The following PRSS23 variants were observed in gnomAD, a reference collection of about 807,000 sequenced individuals.
PRSS23 encodes the protein protease, serine 23.
Under a neutral mutation model 34.7 loss-of-function variants are expected in PRSS23, and 25 were observed. That is an observed-to-expected ratio of 0.72 (90% CI 0.53 to 1.01). The LOEUF is 1.01. PRSS23 is among the 50% of genes least tolerant of loss of function. PRSS23 has a pLI of 0.00. For synonymous variants in PRSS23, 176 were observed against 186.6 expected (o/e 0.94, Z 0.46); for missense variants, 445 against 475.6 (o/e 0.94, Z 0.60).
At chr11:86,859,955 A>G (rs1361462409) in intron 2 of PRSS23, among the ~76,000 whole-genome samples, 2 of 152,014 alleles carry the variant, frequency 1.3e-5, no homozygotes, top group Admixed American at 1.3e-4. Flanking sequence ...CAAGGAAGGA[A>G]GAGGATAATA....
At chr11:86,950,407 T>A (rs890087637) in intron 2 of PRSS23, 1 of 152,562 alleles carries the variant, frequency 6.6e-6, no homozygotes, top group Non-Finnish European at 1.5e-5. Context: ...GTCATTAACA[T>A]AAAATGAAGA....
At position 86,807,847 on chromosome 11, in the gene PRSS23, G is replaced by A. The variant is rs562067171; in HGVS notation, c.204G>A (p.Gln68=). The change falls in exon 2 of 2, where the codon CAG becomes CAA. Residue 68 remains glutamine (Q), a synonymous_variant. Transcript: ENST00000280258. ...AAGTATCTTCTTCATGTGGACCCCA[G>A]TGTCATAAGGGAACTCCACTGCCCA... ...KLEVSSSCGP[Q]CHKGTPLPTY... The A allele has an allele frequency of 1.9e-6, 3 of 1,614,118 alleles. No homozygotes were observed. Among genetic ancestry groups the A allele is most frequent in the South Asian group, 1.1e-5 (1 of 91,074 alleles).
At chr11:86,840,519 T>C (rs1948439524) in intron 2 of PRSS23, among the ~76,000 whole-genome samples, 1 of 152,108 alleles carries the variant, frequency 6.6e-6, no homozygotes, top group Non-Finnish European at 1.5e-5. Flanking sequence ...ATGGGAGGCT[T>C]TAACACCCCA....
chr11:86,923,003 T>A (rs539717481), intron 2 of PRSS23, among the ~76,000 whole-genome samples: 1 of 152,292 alleles, frequency 6.6e-6, no homozygotes, highest in South Asian at 2.1e-4. Context: ...GTAGCCCTTT[T>A]TTGGGGCTAC....
intron 1 of PRSS23, among the ~76,000 whole-genome samples, chr11:86,791,921 T>C (rs1437564245): frequency 3.3e-5 from 5 of 152,242 alleles, no homozygotes; most frequent in Admixed American, 6.5e-5. Flanking sequence ...AGGGTTCTTA[T>C]GACTAGCTAA....
chr11:86,845,090 GA>G (rs199809989), intron 2 of PRSS23, among the ~76,000 whole-genome samples: 2,023 of 118,626 alleles, frequency 0.017, 15 homozygotes, highest in African/African-American at 0.022. Flanking sequence ...CTCTGTCTCA[GA>G]AAAAAAAAAA....
chr11:86,872,034 G>T (rs897323778), intron 2 of PRSS23, among the ~76,000 whole-genome samples: 2 of 152,154 alleles, frequency 1.3e-5, no homozygotes, highest in African/African-American at 4.8e-5. Flanking sequence ...CATCCCAGGG[G>T]CAAATCCTGC....
chr11:86,799,468 C>A (rs953962658), upstream of PRSS23, among the ~76,000 whole-genome samples: 8 of 152,166 alleles, frequency 5.3e-5, no homozygotes, highest in Admixed American at 3.3e-4. Context: ...CATTCAGTAG[C>A]TGTGTGATTT....
chr11:86,889,564 T>C (rs10898545), intron 2 of PRSS23, among the ~76,000 whole-genome samples: 93,966 of 152,032 alleles, frequency 0.62, 29,311 homozygotes, highest in African/African-American at 0.65. Context: ...CCATCAAGTC[T>C]TTTTATAAGG....
intron 2 of PRSS23, among the ~76,000 whole-genome samples, chr11:86,906,436 C>T (rs1308647377): frequency 6.6e-6 from 1 of 152,262 alleles, no homozygotes; most frequent in Admixed American, 6.5e-5. Context: ...CGCCCCTGCG[C>T]CACCCCGGCG....
chr11:86,847,350 T>A (rs992812987), intron 2 of PRSS23, among the ~76,000 whole-genome samples: 6 of 152,158 alleles, frequency 3.9e-5, no homozygotes, highest in African/African-American at 1.2e-4. Context: ...ACAGGTTGGA[T>A]GTATTGGCAG....
chr11:86,899,249 C>CT (rs1948895619), intron 2 of PRSS23, among the ~76,000 whole-genome samples: 1 of 152,128 alleles, frequency 6.6e-6, no homozygotes, highest in Non-Finnish European at 1.5e-5. Context: ...CCAGGCGTGG[C>CT]TTCTCACACC....
intron 2 of PRSS23, chr11:86,945,848 T>C (rs1217419957): frequency 6.6e-6 from 1 of 152,520 alleles, no homozygotes; most frequent in Non-Finnish European, 1.5e-5. Context: ...ATTCAGGGCA[T>C]GTGTAGCAGG....
At chr11:86,823,529 G>A (rs1948270122) in exon 2 of PRSS23, 1 of 702,454 alleles carries the variant, frequency 1.4e-6, no homozygotes, top group African/African-American at 1.7e-5. Flanking sequence ...CTGGCTAGAA[G>A]CAGAGACACC....
At chr11:86,917,179 C>T (rs1483185023) in intron 2 of PRSS23, among the ~76,000 whole-genome samples, 3 of 152,090 alleles carry the variant, frequency 2.0e-5, no homozygotes, top group East Asian at 3.9e-4. Flanking sequence ...ATGACCCAGG[C>T]GTGGTGGCAC....
chr11:86,934,090 GTTTCA>G (rs1428656268), intron 2 of PRSS23: 1 of 152,156 alleles, frequency 6.6e-6, no homozygotes, highest in Non-Finnish European at 1.5e-5. Flanking sequence ...CATATGTCCT[GTTTCA>G]TTTATTTCCC....
chr11:86,798,017 T>C (rs531325613), upstream of PRSS23, among the ~76,000 whole-genome samples: 1 of 152,318 alleles, frequency 6.6e-6, no homozygotes, highest in East Asian at 1.9e-4. Context: ...CCTAGCGCAA[T>C]GTTTTCCATG....
chr11:86,847,553 T>G (rs530130689), intron 2 of PRSS23, among the ~76,000 whole-genome samples: 1 of 152,044 alleles, frequency 6.6e-6, no homozygotes, highest in East Asian at 1.9e-4. Flanking sequence ...GGAAGATGAG[T>G]CCCAGGACTA....
intron 2 of PRSS23, among the ~76,000 whole-genome samples, chr11:86,882,759 T>A (rs1948779782): frequency 6.6e-6 from 1 of 152,224 alleles, no homozygotes; most frequent in African/African-American, 2.4e-5. Flanking sequence ...CTGACCTTAG[T>A]TCTTTGAAGA....
Sources: allele counts gnomAD v4.1 joint callset (sites outside exome capture counted in the v4.1 genomes callset), GRCh38; gene constraint gnomAD v4.1.1; transcripts MANE v1.5; gene names NCBI Gene and HGNC (gene_info 2026-07-23, HGNC 2026-07-21).